KAT6A: variants seen among roughly 807,000 people sequenced by gnomAD.
KAT6A encodes the protein lysine acetyltransferase 6A.
KAT6A carries 9 observed loss-of-function variants against 198.4 expected under a neutral mutation model. That is an observed-to-expected ratio of 0.05 (90% CI 0.03 to 0.08). The LOEUF is 0.08. Among genes scored for constraint, KAT6A ranks in the 10% least tolerant of loss-of-function variants. The pLI is 1.00. For missense variants in KAT6A, 2,077 were observed against 2,509.9 expected, an observed-to-expected ratio of 0.83 and a Z score of 3.69; for synonymous variants, 890 against 883.0, an observed-to-expected ratio of 1.01 and a Z score of -0.14.
chr8:42,013,696 CTTAT>C lies in KAT6A; in HGVS notation c.601-26137_601-26134del, dbSNP rs554048285. On this transcript the variant is annotated intron_variant, in intron 2 of 16. Coordinates refer to ENST00000265713, the MANE Select transcript of KAT6A (RefSeq NM_006766.5). ...CATTCAAAACTGTCCTTGATATTTACTTATTTATTAACCTATTTTATCTAAACAG... is the reference window on the plus strand; with the variant it reads ...CATTCAAAACTGTCCTTGATATTTACTTATTAACCTATTTTATCTAAACAG... 3.2e-3 allele frequency among the ~76,000 whole-genome samples: 488 copies of C among 152,266 alleles called. 1 individual carries two copies. The highest frequency in any genetic ancestry group is 0.011 in the African/African-American group (444 of 41,544).
At position 41,977,214 on chromosome 8, in the gene KAT6A, C is replaced by T. The variant is rs140780968; in HGVS notation, c.1157G>A (p.Arg386Gln). Reference sequence around the variant, plus strand: ...TCTGCAGAAGTCCAAGCCATCTATCCGCTCTAAATATCCTTCTTCTGATGA... The same window carrying T: ...TCTGCAGAAGTCCAAGCCATCTATCTGCTCTAAATATCCTTCTTCTGATGA... ...SSSSEEGYLERIDGLDFCRDS... is the reference protein window; with the variant it reads ...SSSSEEGYLEQIDGLDFCRDS... Residue 386 changes from arginine (R) to glutamine (Q), a missense_variant, in exon 7 of 17, where the codon CGG becomes CAG. This residue lies in a region of KAT6A where 206 missense variants were observed against 214.9 expected (regional missense o/e 0.96). Coordinates refer to ENST00000265713, the MANE Select transcript of KAT6A (RefSeq NM_006766.5). 2.5e-4 allele frequency: 411 copies of T among 1,614,130 alleles called. 1 individual carries two copies. The highest frequency in any genetic ancestry group is 1.6e-3 in the Middle Eastern group (10 of 6,062).
chr8:42,014,871 G>T (rs1324082314), intron 2 of KAT6A, among the ~76,000 whole-genome samples: 1 of 152,104 alleles, frequency 6.6e-6, no homozygotes, highest in Non-Finnish European at 1.5e-5. Flanking sequence ...TACAGGTTCA[G>T]GATTACTTGA....
rs1823968029 is a variant in KAT6A, at chr8:41,974,811, C to T, written c.1375G>A (p.Gly459Ser). ...TSDWPTDNQD[G>S]WDGKQENEER... Reference sequence around the variant, plus strand: ...TCATTTTCTTGTTTGCCATCCCAGCCATCCTGATTGTCTACATATAAAAAA... The same window carrying T: ...TCATTTTCTTGTTTGCCATCCCAGCTATCCTGATTGTCTACATATAAAAAA... The change falls in exon 8 of 17, where the codon GGC (glycine) becomes AGC (serine). Residue 459 changes from glycine to serine, a missense_variant. Around this residue, in one of 13 missense-constraint regions of KAT6A, gnomAD observed 206 missense variants for 214.9 expected, o/e 0.96. Coordinates refer to ENST00000265713, the MANE Select transcript of KAT6A (RefSeq NM_006766.5). The T allele has an allele frequency of 1.9e-6, 3 of 1,608,054 alleles. No homozygotes were observed. Among genetic ancestry groups the T allele is most frequent in the Non-Finnish European group, 2.6e-6 (3 of 1,175,718 alleles).
chr8:41,952,772 A>G (rs969713626), intron 9 of KAT6A, among the ~76,000 whole-genome samples: 6 of 152,196 alleles, frequency 3.9e-5, no homozygotes, highest in Non-Finnish European at 1.5e-5. Context: ...AAAATGTAAG[A>G]TCTCCAAACA....
intron 8 of KAT6A, among the ~76,000 whole-genome samples, chr8:41,966,138 T>C (rs949411623): frequency 3.3e-5 from 5 of 152,072 alleles, no homozygotes; most frequent in African/African-American, 1.2e-4. Flanking sequence ...CTTACAGCAC[T>C]ATGCCATTCA....
In KAT6A at chr8:41,934,503, A is replaced by C. The variant is rs945225271; in HGVS notation, c.3717T>G (p.Gly1239=). The change falls in exon 17 of 17, where the codon GGT becomes GGG. Residue 1239 remains glycine, a synonymous_variant. Coordinates refer to ENST00000265713, the MANE Select transcript of KAT6A (RefSeq NM_006766.5). ...MQAEAEEAEE[G]EEEDAASSEV... is the part of the protein sequence containing the mutation. ...CACTGCTGGCTGCATCCTCTTCCTC[A>C]CCCTCTTCAGCCTCTTCTGCCTCTG... 3.1e-6 allele frequency: 5 copies of C among 1,610,256 alleles called. No individual in the cohort carries two copies. In the African/African-American group the frequency reaches 4.1e-5, roughly 13 times the overall value.
At chr8:41,957,431 A>C in intron 8 of KAT6A, 1 of 373,274 alleles carries the variant, frequency 2.7e-6, no homozygotes, top group Non-Finnish European at 5.3e-6. Context: ...TCAAACTGTC[A>C]TATCTGAACT....
At position 41,955,363 on chromosome 8, in the gene KAT6A, C is replaced by T. The variant is rs1822871840; in HGVS notation, c.1531G>A (p.Val511Ile). Residue 511 changes from valine (V) to isoleucine (I), a missense_variant, in exon 9 of 17, where the codon GTC becomes ATC. By Grantham distance (29) the Val-to-Ile change is conservative. Around this residue, in one of 13 missense-constraint regions of KAT6A, gnomAD observed 206 missense variants for 214.9 expected, o/e 0.96. Coordinates refer to ENST00000265713, the MANE Select transcript of KAT6A (RefSeq NM_006766.5). ...ATTTCATACTTCCCAAACTCAATGACAGAGGGACAGCGGACTTGTGGATCA... is the reference window on the plus strand; with the variant it reads ...ATTTCATACTTCCCAAACTCAATGATAGAGGGACAGCGGACTTGTGGATCA... Reference protein sequence around the residue: ...PPDPQVRCPSVIEFGKYEIHT... With the variant: ...PPDPQVRCPSIIEFGKYEIHT... 1.9e-6 allele frequency: 3 copies of T among 1,613,192 alleles called. No homozygotes were observed. Among genetic ancestry groups the T allele is most frequent in the Non-Finnish European group, 2.5e-6 (3 of 1,179,498 alleles).
At chr8:42,009,894 C>CAAAA (rs538642816) in intron 2 of KAT6A, among the ~76,000 whole-genome samples, 72 of 48,946 alleles carry the variant, frequency 1.5e-3, no homozygotes, top group African/African-American at 3.1e-3. Flanking sequence ...AGCCCTGTCT[C>CAAAA]AAAAAAAAAA....
rs1486914264 is a variant in KAT6A at position 42,048,366 on chromosome 8, T to C, written c.600+12A>G. 7.4e-6 allele frequency: 12 copies of C among 1,610,938 alleles called. No individual in the cohort carries two copies. Among genetic ancestry groups the C allele is most frequent in the Middle Eastern group, 1.7e-4 (1 of 6,044 alleles). On this transcript the variant is annotated intron_variant, in intron 2 of 16. Transcript: ENST00000265713. ...TCAGCTCTATAAACCCCGAAGCATA[T>C]GCCATTCTTACCTTATCCTTTTCAT...
chr8:41,995,674 C>CTTTTTT (rs10710765), intron 2 of KAT6A, among the ~76,000 whole-genome samples: 9 of 103,078 alleles, frequency 8.7e-5, no homozygotes, highest in Admixed American at 1.0e-4. Flanking sequence ...ATTTTCATTT[C>CTTTTTT]TTTTTTTTTT....
At chr8:42,035,064 A>C (rs1159002749) in intron 2 of KAT6A, among the ~76,000 whole-genome samples, 2 of 152,204 alleles carry the variant, frequency 1.3e-5, no homozygotes, top group Admixed American at 6.5e-5. Flanking sequence ...CAATGAAGAA[A>C]CTACTAAGGT....
chr8:41,946,789 C>T, intron 11 of KAT6A, 105 bp from the exon 12 acceptor site: 1 of 683,212 alleles, frequency 1.5e-6, no homozygotes, highest in East Asian at 2.7e-5. Context: ...AGCCCTGGTC[C>T]TTTGGGAATA....
intron 12 of KAT6A, among the ~76,000 whole-genome samples, chr8:41,944,883 G>C (rs2150864165): frequency 6.6e-6 from 1 of 152,212 alleles, no homozygotes; most frequent in South Asian, 2.1e-4. Context: ...AAAAAGACCA[G>C]AAAATGTGTA....
Position 41,932,772 on chromosome 8 carries a change from C to T in KAT6A, c.5448G>A (p.Leu1816=). The T allele has an allele frequency of 1.2e-6, 2 of 1,614,178 alleles. No individual in the cohort carries two copies. The highest frequency in any genetic ancestry group is 2.2e-5 in the East Asian group (1 of 44,880). ...ATGTGAGGTTCATGGTAGTGGATGC[C>T]AAGTTTGGGGGTGGCGTCATGGTGG... is the stretch of plus-strand genomic sequence containing the variant. The part of the protein sequence containing the change: ...AQATMTPPPN[L]ASTTMNLTSP... The change falls in exon 17 of 17, where the codon TTG becomes TTA. Residue 1816 remains leucine (L), a synonymous_variant. Transcript: ENST00000265713.
chr8:41,993,167 C>G (rs1463562395), intron 2 of KAT6A, among the ~76,000 whole-genome samples: 1 of 152,166 alleles, frequency 6.6e-6, no homozygotes, highest in Non-Finnish European at 1.5e-5. Context: ...TTAGCTTCAG[C>G]CATTCAAACC....
intron 2 of KAT6A, among the ~76,000 whole-genome samples, chr8:42,039,901 TA>T (rs1827562020): frequency 8.9e-6 from 1 of 112,178 alleles, no homozygotes; most frequent in Non-Finnish European, 1.7e-5. Context: ...GCCTGGCTAA[TA>T]TTTTTTTTTT....
chr8:42,051,657 G>A (rs1802662953), intron 1 of KAT6A, among the ~76,000 whole-genome samples: 1 of 145,506 alleles, frequency 6.9e-6, no homozygotes, highest in African/African-American at 2.5e-5. Flanking sequence ...CGGCGCGCGG[G>A]CCGCGGGCCG....
chr8:41,934,186 G>A lies in KAT6A; in HGVS notation c.4034C>T (p.Pro1345Leu). The A allele has an allele frequency of 6.2e-7, 1 of 1,614,086 alleles. No individual in the cohort carries two copies. Among genetic ancestry groups the A allele is most frequent in the Non-Finnish European group, 8.5e-7 (1 of 1,180,026 alleles). The change falls in exon 17 of 17, where the codon CCT (proline) becomes CTT (leucine). Residue 1345 changes from proline (P) to leucine (L), a missense_variant. By Grantham distance (98) the Pro-to-Leu change is moderately conservative. Around this residue, in one of 13 missense-constraint regions of KAT6A, gnomAD observed 375 missense variants for 383.0 expected, o/e 0.98. Transcript: ENST00000265713. ...QPTREDVKEE[P>L]GVQESFLDAN... ...ATCTAAAAAAGACTCTTGAACACCA[G>A]GCTCCTCCTTGACATCTTCCCTCGT...
Sources: gnomAD v4.1 joint callset for allele counts (sites outside exome capture counted in the v4.1 genomes callset) on GRCh38, gnomAD v4.1.1 for gene constraint, gnomAD v4.1.1 regional missense constraint, MANE v1.5 for transcripts, NCBI Gene and HGNC (gene_info 2026-07-23, HGNC 2026-07-21) for gene names.